GCKR: variants seen among roughly 807,000 people sequenced by gnomAD.
GCKR encodes glucokinase regulatory protein.
Under a neutral mutation model 82.9 loss-of-function variants are expected in GCKR, and 73 were observed. The ratio of observed to expected loss-of-function variants is 0.88; its 90% CI spans 0.73 to 1.07. GCKR has a LOEUF of 1.07. GCKR is among the 50% of genes least tolerant of loss of function. The pLI, the probability that GCKR is intolerant of heterozygous loss-of-function variation, is 0.00. For synonymous variants in GCKR, 294 were observed against 291.8 expected (o/e 1.01, Z -0.08); for missense variants, 784 against 782.1 (o/e 1.00, Z -0.03).
chr2:27,514,199 GCATA>G (rs1238740884), intron 16 of GCKR, among the ~76,000 whole-genome samples: 2 of 151,866 alleles, frequency 1.3e-5, no homozygotes, highest in African/African-American at 4.8e-5. Context: ...ATATATACAT[GCATA>G]CATACATATA....
At chr2:27,514,457 T>C (rs1669958115) in intron 16 of GCKR, among the ~76,000 whole-genome samples, 1 of 152,204 alleles carries the variant, frequency 6.6e-6, no homozygotes, top group Admixed American at 6.5e-5. Context: ...TGTTTCTTTT[T>C]GGAGAAAAGT....
At chr2:27,501,607 T>C in intron 8 of GCKR, 1 of 409,248 alleles carries the variant, frequency 2.4e-6, no homozygotes, top group Non-Finnish European at 5.0e-6. Flanking sequence ...CTTTTCAAAG[T>C]AGTAGTAGTG....
chr2:27,498,422 C>T (rs2148578567), intron 4 of GCKR, 99 bp downstream of exon 4: 2 of 897,164 alleles, frequency 2.2e-6, no homozygotes, highest in African/African-American at 1.6e-5. Context: ...GTGGCCCCCT[C>T]ACTAGACCTG....
At position 27,498,208 on chromosome 2, in the gene GCKR, C is replaced by A. The variant is rs771496119; in HGVS notation, c.286-47C>A. 21 of 1,393,208 alleles carry A rather than the reference C, an allele frequency of 1.5e-5. No individual in the cohort carries two copies. The South Asian group carries it at 2.4e-4, about 16-fold the overall frequency. The allele number at this position is 1,393,208 out of a possible 1,614,324, so 86.3% of individuals were successfully genotyped here. A position where few individuals can be genotyped will look rare whatever the true frequency, so the allele number is the denominator to read the frequency against. On this transcript the variant is annotated intron_variant, in intron 3 of 18. Transcript: ENST00000264717. ...TGACAAAGAAAAGAATATTCTTCTCCCAACCTGAGCCAGGCCCTGGTAATA... is the reference window on the plus strand; with the variant it reads ...TGACAAAGAAAAGAATATTCTTCTCACAACCTGAGCCAGGCCCTGGTAATA...
chr2:27,522,350 A>G (rs1670169781), intron 17 of GCKR, 110 bp from the exon 18 acceptor site: 1 of 1,065,256 alleles, frequency 9.4e-7, no homozygotes, highest in African/African-American at 1.5e-5. Context: ...CTCTATAGCC[A>G]GGCCTCGGGA....
At chr2:27,499,520 A>G in intron 7 of GCKR, 70 bp downstream of exon 7, 1 of 1,073,754 alleles carries the variant, frequency 9.3e-7, no homozygotes. Flanking sequence ...AATAGCATGG[A>G]AGATAGATCA....
intron 16 of GCKR, among the ~76,000 whole-genome samples, chr2:27,517,860 A>G (rs539788285): frequency 8.1e-4 from 124 of 152,330 alleles, no homozygotes; most frequent in African/African-American, 2.9e-3. Flanking sequence ...GTGGCAAAGT[A>G]GGAAATGCCC....
Position 27,503,606 on chromosome 2 carries a change from A to T in GCKR, c.737A>T (p.Asn246Ile), listed in dbSNP as rs947111849. The T allele has an allele frequency of 1.4e-5, 23 of 1,588,578 alleles. No individual in the cohort carries two copies. The Admixed American group carries it at 2.7e-4, about 18-fold the overall frequency. The change falls in exon 9 of 19, where the codon AAT becomes ATT. Residue 246 changes from asparagine (N) to isoleucine (I), a missense_variant. Physicochemically the swap from Asn to Ile is moderately radical, Grantham distance 149. Coordinates refer to ENST00000264717, the MANE Select transcript of GCKR (RefSeq NM_001486.4). Reference protein sequence around the residue: ...MQEKQKAFVLNPAIGPEGLSG... With the variant: ...MQEKQKAFVLIPAIGPEGLSG... The stretch of plus-strand genomic sequence containing the variant: ...GAGAAACAGAAAGCTTTTGTGCTCA[A>T]TCCTGCCATCGGGGTAGGGCCTCTC...
intron 9 of GCKR, 53 bp downstream of exon 9, chr2:27,503,672 C>T: frequency 2.2e-6 from 2 of 902,166 alleles, no homozygotes; most frequent in African/African-American, 1.6e-5. Context: ...CTGGGAACTG[C>T]TTGCCACTTC....
At chr2:27,513,909 TTGTGTG>T (rs57848910) in intron 16 of GCKR, among the ~76,000 whole-genome samples, 5,173 of 144,716 alleles carry the variant, frequency 0.036, 266 homozygotes, top group African/African-American at 0.12. Flanking sequence ...TTATTTGCAT[TTGTGTG>T]TGTGTGTGTG....
chr2:27,499,714 C>G (rs1327023223), intron 7 of GCKR, among the ~76,000 whole-genome samples: 1 of 152,208 alleles, frequency 6.6e-6, no homozygotes, highest in Non-Finnish European at 1.5e-5. Flanking sequence ...AATATACTGG[C>G]TGGCCAATGC....
intron 16 of GCKR, among the ~76,000 whole-genome samples, chr2:27,512,922 C>T (rs1295141821): frequency 6.6e-6 from 1 of 152,124 alleles, no homozygotes; most frequent in Non-Finnish European, 1.5e-5. Flanking sequence ...CTGATTGTTT[C>T]GTCATGATAT....
intron 16 of GCKR, among the ~76,000 whole-genome samples, chr2:27,509,099 A>G (rs1669818312): frequency 6.6e-6 from 1 of 151,984 alleles, no homozygotes; most frequent in Admixed American, 6.6e-5. Flanking sequence ...GCAATTTTAC[A>G]TCTCTGGTTC....
At chr2:27,518,998 G>A (rs1411484264) in intron 17 of GCKR, 61 bp downstream of exon 17, 1 of 1,475,180 alleles carries the variant, frequency 6.8e-7, no homozygotes, top group East Asian at 2.3e-5. Context: ...GCTGCCAGAG[G>A]AGGGCATTTT....
chr2:27,506,173 T>C (rs1669736645), intron 10 of GCKR, among the ~76,000 whole-genome samples: 1 of 152,148 alleles, frequency 6.6e-6, no homozygotes, highest in Non-Finnish European at 1.5e-5. Flanking sequence ...TGGACCTGCC[T>C]CCCTCTCCAG....
intron 9 of GCKR, among the ~76,000 whole-genome samples, chr2:27,505,431 AAAAC>A (rs1278071708): frequency 6.6e-6 from 1 of 151,258 alleles, no homozygotes; most frequent in Non-Finnish European, 1.5e-5. Context: ...AAAAAAAAAG[AAAAC>A]AAAGAAAAGA....
chr2:27,498,225 C>T, intron 3 of GCKR, 30 bp from the exon 4 acceptor site: 6 of 1,554,392 alleles, frequency 3.9e-6, no homozygotes, highest in Non-Finnish European at 5.3e-6. Context: ...GAGCCAGGCC[C>T]TGGTAATATA....
In GCKR at chr2:27,499,446, T is replaced by C; in HGVS notation, c.545T>C (p.Leu182Pro). The change falls in exon 7 of 19, where the codon CTC becomes CCC. Residue 182 changes from leucine to proline, a missense_variant. Coordinates refer to ENST00000264717, the MANE Select transcript of GCKR (RefSeq NM_001486.4). ...RVIVIGISVG[L>P]SAPFVAGQMD... Reference sequence around the variant, plus strand: ...ATTGTCATTGGCATTTCTGTGGGACTCTCTGTGAGTAAAAAGATGGGTTGA... The same window carrying C: ...ATTGTCATTGGCATTTCTGTGGGACCCTCTGTGAGTAAAAAGATGGGTTGA... 1 of 1,605,970 alleles carries C rather than the reference T, an allele frequency of 6.2e-7. No homozygotes were observed. The highest frequency in any genetic ancestry group is 8.5e-7 in the Non-Finnish European group (1 of 1,172,984).
rs1170885193 is a variant in GCKR at position 27,508,024 on chromosome 2, A to C, written c.1288A>C (p.Thr430Pro). ...QTIVEQVKEKTNHIQALAHST... is the reference protein window; with the variant it reads ...QTIVEQVKEKPNHIQALAHST... Reference sequence around the variant, plus strand: ...TATAGTGGAGCAGGTGAAAGAGAAGACCAACCACATCCAGGCCCTGGCACA... The same window carrying C: ...TATAGTGGAGCAGGTGAAAGAGAAGCCCAACCACATCCAGGCCCTGGCACA... Residue 430 changes from threonine (T) to proline (P), a missense_variant, in exon 15 of 19, where the codon ACC (threonine) becomes CCC (proline). Thr to Pro is a conservative substitution (Grantham distance 38). Transcript: ENST00000264717. 1.2e-6 allele frequency: 2 copies of C among 1,614,002 alleles called. No homozygotes were observed. Among genetic ancestry groups the C allele is most frequent in the Admixed American group, 3.3e-5 (2 of 60,024 alleles).
Sources: gnomAD v4.1 joint callset for allele counts (sites outside exome capture counted in the v4.1 genomes callset) on GRCh38, gnomAD v4.1.1 for gene constraint, MANE v1.5 for transcripts, NCBI Gene and HGNC (gene_info 2026-07-23, HGNC 2026-07-21) for gene names.